The following FBXL17 variants were observed in gnomAD, a reference collection of about 807,000 sequenced individuals.
The protein encoded by FBXL17 is F-box and leucine rich repeat protein 17, also known as F-box/LRR-repeat protein 17.
In FBXL17, 22 loss-of-function variants were observed where a neutral mutation model predicts 66.2. The observed-to-expected ratio is 0.33, with a 90% CI of 0.24 to 0.47. The LOEUF is 0.47. Among genes scored for constraint, FBXL17 ranks in the 20% least tolerant of loss-of-function variants. The probability of loss-of-function intolerance (pLI) is 1.00; values close to 1 mark genes in which losing one functional copy is unlikely to be tolerated. For missense variants in FBXL17, 878 were observed against 948.2 expected (o/e 0.93, Z 0.97); for synonymous variants, 474 against 400.5 (o/e 1.18, Z -2.19).
intron 4 of FBXL17, among the ~76,000 whole-genome samples, chr5:108,301,434 C>T (rs1269199248): frequency 1.3e-5 from 2 of 149,012 alleles, no homozygotes; most frequent in African/African-American, 2.6e-5. Flanking sequence ...TTTACAACAG[C>T]TTATCTATAC....
intron 6 of FBXL17, among the ~76,000 whole-genome samples, chr5:108,151,567 C>G (rs1751773155): frequency 6.6e-6 from 1 of 152,190 alleles, no homozygotes; most frequent in African/African-American, 2.4e-5. Context: ...CAATTCAAGG[C>G]AGAGCACAGC....
intron 4 of FBXL17, among the ~76,000 whole-genome samples, chr5:108,305,053 G>A (rs751890946): frequency 2.0e-5 from 3 of 151,960 alleles, no homozygotes; most frequent in Non-Finnish European, 4.4e-5. Flanking sequence ...GAGGATATAA[G>A]ACCTACCTCA....
At chr5:108,283,387 A>G (rs1449403963) in intron 4 of FBXL17, among the ~76,000 whole-genome samples, 1 of 151,928 alleles carries the variant, frequency 6.6e-6, no homozygotes, top group Non-Finnish European at 1.5e-5. Flanking sequence ...CCCAGAAATA[A>G]AGCCACATAT....
At chr5:108,276,961 A>G (rs1757507541) in intron 4 of FBXL17, among the ~76,000 whole-genome samples, 1 of 151,830 alleles carries the variant, frequency 6.6e-6, no homozygotes, top group South Asian at 2.1e-4. Flanking sequence ...CATTTAATCT[A>G]TATTTAGATT....
intron 4 of FBXL17, among the ~76,000 whole-genome samples, chr5:108,270,315 T>G (rs1297781489): frequency 6.6e-6 from 1 of 151,852 alleles, no homozygotes; most frequent in Admixed American, 6.6e-5. Flanking sequence ...CACTCATAGG[T>G]TGAGAAAGGC....
chr5:108,098,920 G>A (rs1749493913), intron 6 of FBXL17, among the ~76,000 whole-genome samples: 2 of 152,064 alleles, frequency 1.3e-5, no homozygotes, highest in Non-Finnish European at 2.9e-5. Context: ...TCTTAGCTAG[G>A]ATGTAGCATT....
intron 1 of FBXL17, among the ~76,000 whole-genome samples, chr5:108,379,072 G>GA (rs895257324): frequency 3.3e-5 from 5 of 152,028 alleles, no homozygotes; most frequent in African/African-American, 1.2e-4. Flanking sequence ...CAATCCTCAG[G>GA]AAAAAATATG....
chr5:108,150,632 G>C (rs1751731798), intron 6 of FBXL17, among the ~76,000 whole-genome samples: 1 of 152,158 alleles, frequency 6.6e-6, no homozygotes, highest in Non-Finnish European at 1.5e-5. Flanking sequence ...TGAAGAATCT[G>C]TATCAGTTGT....
At chr5:108,229,417 C>CAAA (rs1755232855) in intron 4 of FBXL17, among the ~76,000 whole-genome samples, 1 of 152,076 alleles carries the variant, frequency 6.6e-6, no homozygotes, top group Admixed American at 6.6e-5. Flanking sequence ...AACTCAAATA[C>CAAA]TTACAGCCAA....
At chr5:108,267,840 A>C (rs1351615577) in intron 4 of FBXL17, among the ~76,000 whole-genome samples, 2 of 152,100 alleles carry the variant, frequency 1.3e-5, no homozygotes, top group African/African-American at 4.8e-5. Flanking sequence ...TGGGGAAGTG[A>C]CATTTGAGCT....
chr5:108,101,750 T>C (rs936109901), intron 6 of FBXL17, among the ~76,000 whole-genome samples: 1 of 152,226 alleles, frequency 6.6e-6, no homozygotes, highest in African/African-American at 2.4e-5. Flanking sequence ...GGACAAAAAG[T>C]ACCAACTTTT....
chr5:108,307,914 T>C (rs1010319781), intron 4 of FBXL17, among the ~76,000 whole-genome samples: 2 of 152,166 alleles, frequency 1.3e-5, no homozygotes, highest in Non-Finnish European at 1.5e-5. Flanking sequence ...CTTTTATCTA[T>C]GTGTATATGT....
At chr5:108,290,788 G>T (rs919431422) in intron 4 of FBXL17, among the ~76,000 whole-genome samples, 2 of 152,050 alleles carry the variant, frequency 1.3e-5, no homozygotes, top group African/African-American at 4.8e-5. Context: ...TTGGTATTTT[G>T]GGGGTTGTTA....
chr5:108,355,709 T>C (rs1297443878), intron 3 of FBXL17, among the ~76,000 whole-genome samples: 1 of 151,272 alleles, frequency 6.6e-6, no homozygotes, highest in Non-Finnish European at 1.5e-5. Context: ...CTTTAAAAAG[T>C]AAAAGAAAAA....
intron 7 of FBXL17, among the ~76,000 whole-genome samples, chr5:107,921,435 G>A (rs920066627): frequency 2.0e-5 from 3 of 152,118 alleles, no homozygotes; most frequent in Admixed American, 1.3e-4. Flanking sequence ...TCAATGAGCC[G>A]CTTTAGTAGA....
intron 7 of FBXL17, among the ~76,000 whole-genome samples, chr5:107,898,163 T>TC (rs1267931488): frequency 6.6e-6 from 1 of 152,198 alleles, no homozygotes; most frequent in East Asian, 1.9e-4. Flanking sequence ...GACTTTTTTT[T>TC]CTTTTTTAAT....
At chr5:107,863,131 A>G (rs1295332178) in intron 8 of FBXL17, among the ~76,000 whole-genome samples, 1 of 151,492 alleles carries the variant, frequency 6.6e-6, no homozygotes, top group Admixed American at 6.6e-5. Context: ...TTCAAAAGCT[A>G]AAACAATTTT....
At chr5:107,995,539 A>T (rs1753437866) in intron 7 of FBXL17, among the ~76,000 whole-genome samples, 1 of 152,130 alleles carries the variant, frequency 6.6e-6, no homozygotes, top group Non-Finnish European at 1.5e-5. Context: ...TTAAGAAAAA[A>T]AAATGTTTTA....
intron 4 of FBXL17, among the ~76,000 whole-genome samples, chr5:108,243,649 G>A (rs1307466108): frequency 1.1e-4 from 16 of 152,104 alleles, no homozygotes; most frequent in South Asian, 2.1e-4. Flanking sequence ...ACCTTCTTCC[G>A]TTTTGTCAAA....
Sources: allele counts gnomAD v4.1 joint callset (sites outside exome capture counted in the v4.1 genomes callset), GRCh38; gene constraint gnomAD v4.1.1; transcripts MANE v1.5; gene names NCBI Gene and HGNC (gene_info 2026-07-23, HGNC 2026-07-21).